Variants in PCDHA10 observed in about 807,000 individuals in gnomAD.
The protein encoded by PCDHA10 is protocadherin alpha-10.
PCDHA10 carries 45 observed loss-of-function variants against 61.2 expected under a neutral mutation model. The ratio of observed to expected loss-of-function variants is 0.74; its 90% CI spans 0.58 to 0.94. The LOEUF (loss-of-function observed/expected upper bound fraction) is 0.94. PCDHA10 is among the 40% of genes least tolerant of loss of function. The pLI is 0.00. For synonymous variants in PCDHA10, 602 were observed against 548.8 expected, an observed-to-expected ratio of 1.10 and a Z score of -1.35; for missense variants, 1,278 against 1,236.2, an observed-to-expected ratio of 1.03 and a Z score of -0.51.
intron 3 of PCDHA10, among the ~76,000 whole-genome samples, chr5:141,008,870 C>G (rs539100133): frequency 1.4e-4 from 22 of 152,126 alleles, no homozygotes; most frequent in Non-Finnish European, 7.3e-5. Flanking sequence ...ATGCTGCATC[C>G]CACCACCCTT....
chr5:140,973,782 C>T lies in PCDHA10; in HGVS notation c.2389-5167C>T, dbSNP rs533593200. ...CACAGCCTGGCATATTATAGGTTGCCTATTGGCATGCTGTCTACTTGACAG... is the reference window on the plus strand; with the variant it reads ...CACAGCCTGGCATATTATAGGTTGCTTATTGGCATGCTGTCTACTTGACAG... On this transcript the variant is annotated intron_variant, in intron 1 of 3. Transcript: ENST00000307360. 1.5e-3 allele frequency among the ~76,000 whole-genome samples: 225 copies of T among 152,326 alleles called. 1 individual carries two copies. Among genetic ancestry groups the T allele is most frequent in the African/African-American group, 5.2e-3 (216 of 41,582 alleles).
intron 1 of PCDHA10, among the ~76,000 whole-genome samples, chr5:140,901,300 C>T (rs189786790): frequency 3.3e-5 from 5 of 152,176 alleles, no homozygotes; most frequent in African/African-American, 9.6e-5. Flanking sequence ...ACTGATGTTC[C>T]GGAGAGTTTC....
chr5:140,983,329 A>G (rs1359569826), intron 3 of PCDHA10, among the ~76,000 whole-genome samples: 8 of 152,228 alleles, frequency 5.3e-5, no homozygotes, highest in Admixed American at 6.5e-5. Flanking sequence ...TTCTTGCCCT[A>G]TCACTAAAGC....
At chr5:141,006,445 C>T (rs1202981865) in intron 3 of PCDHA10, among the ~76,000 whole-genome samples, 2 of 152,062 alleles carry the variant, frequency 1.3e-5, no homozygotes, top group Non-Finnish European at 2.9e-5. Context: ...AATCTCCTGA[C>T]CTCGAGATCT....
intron 1 of PCDHA10, among the ~76,000 whole-genome samples, chr5:140,895,297 T>TC (rs1269688627): frequency 1.3e-5 from 2 of 152,118 alleles, no homozygotes; most frequent in African/African-American, 2.4e-5. Context: ...ACCTTCGATT[T>TC]CCCCCCTTCC....
chr5:140,909,837 A>G (rs1385622846), intron 1 of PCDHA10, among the ~76,000 whole-genome samples: 3 of 152,190 alleles, frequency 2.0e-5, no homozygotes, highest in Non-Finnish European at 4.4e-5. Context: ...CTGGAGGACC[A>G]CCAGGACGTT....
intron 1 of PCDHA10, among the ~76,000 whole-genome samples, chr5:140,946,752 A>G (rs1470208958): frequency 9.2e-5 from 14 of 151,470 alleles, no homozygotes; most frequent in African/African-American, 3.4e-4. Context: ...CAAATACTGC[A>G]TGATCTCATT....
Position 141,009,783 on chromosome 5 carries a change from G to C in PCDHA10, c.2693G>C (p.Arg898Pro). The part of the protein sequence containing the change: ...IPGSPAIISI[R>P]QEPTNSQIDK... The stretch of plus-strand genomic sequence containing the variant: ...GGATCTCCTGCAATCATCTCCATCC[G>C]GCAGGAGCCTACTAACAGCCAAATT... Residue 898 changes from arginine (R) to proline (P), a missense_variant, in exon 4 of 4, where the codon CGG (arginine) becomes CCG (proline). Arg to Pro is a moderately radical substitution (Grantham distance 103). Coordinates refer to ENST00000307360, the MANE Select transcript of PCDHA10 (RefSeq NM_018901.4). 2 of 1,614,000 alleles carry C rather than the reference G, an allele frequency of 1.2e-6. No homozygotes were observed. The highest frequency in any genetic ancestry group is 1.7e-6 in the Non-Finnish European group (2 of 1,180,008).
rs571694728 is a variant in PCDHA10, at chr5:140,949,343, CTG to C, written c.2389-29602_2389-29601del. Among the ~76,000 whole-genome samples the C allele has an allele frequency of 8.0e-4, 121 of 151,818 alleles. 1 individual carries two copies. Among genetic ancestry groups the C allele is most frequent in the Admixed American group, 3.5e-3 (54 of 15,258 alleles). On this transcript the variant is annotated intron_variant, in intron 1 of 3. Transcript: ENST00000307360. ...TATAAATTATTGTTATCCAGATTTT[CTG>C]TGTCTTTATTTTTTTGTCTAGTTGT...
At chr5:140,993,358 A>G (rs1197499617) in intron 3 of PCDHA10, among the ~76,000 whole-genome samples, 7 of 151,988 alleles carry the variant, frequency 4.6e-5, no homozygotes, top group Admixed American at 4.6e-4. Context: ...AGATCCTCAC[A>G]AAAACTACCT....
intron 1 of PCDHA10, chr5:140,929,377 CTGT>C (rs782747382): frequency 6.6e-7 from 1 of 1,514,350 alleles, no homozygotes; most frequent in Non-Finnish European, 8.8e-7. Flanking sequence ...TGGCTGCTAG[CTGT>C]GTTTTGAAAT....
At chr5:140,861,758 T>C (rs1469300232) in intron 1 of PCDHA10, 1 of 93,472 alleles carries the variant, frequency 1.1e-5, no homozygotes, top group African/African-American at 4.7e-5. Context: ...TGATTATTTT[T>C]CCCTGGAAAT....
At chr5:140,986,461 C>A (rs1554248079) in intron 3 of PCDHA10, among the ~76,000 whole-genome samples, 1 of 152,154 alleles carries the variant, frequency 6.6e-6, no homozygotes. Flanking sequence ...TTAATGAATG[C>A]CCTCTTGTGA....
At chr5:140,920,405 A>T (rs1253203896) in intron 1 of PCDHA10, among the ~76,000 whole-genome samples, 1 of 152,118 alleles carries the variant, frequency 6.6e-6, no homozygotes, top group Non-Finnish European at 1.5e-5. Context: ...TCTTTTTTTA[A>T]TCAGATACAG....
intron 1 of PCDHA10, among the ~76,000 whole-genome samples, chr5:140,911,116 C>G (rs1184319768): frequency 6.6e-6 from 1 of 152,142 alleles, no homozygotes; most frequent in Non-Finnish European, 1.5e-5. Flanking sequence ...GAAGCCATCA[C>G]TGTTGCCTCA....
intron 1 of PCDHA10, among the ~76,000 whole-genome samples, chr5:140,943,702 G>C (rs2153663732): frequency 6.6e-6 from 1 of 152,280 alleles, no homozygotes; most frequent in South Asian, 2.1e-4. Context: ...AAATATTGTG[G>C]AACACATTTA....
At chr5:140,994,562 G>A (rs1554254244) in intron 3 of PCDHA10, among the ~76,000 whole-genome samples, 2 of 152,094 alleles carry the variant, frequency 1.3e-5, no homozygotes, top group Non-Finnish European at 2.9e-5. Context: ...AAAATTAGCC[G>A]GGTGTGGTGG....
intron 3 of PCDHA10, among the ~76,000 whole-genome samples, chr5:141,009,295 A>AT (rs1258767808): frequency 6.6e-6 from 1 of 152,030 alleles, no homozygotes; most frequent in African/African-American, 2.4e-5. Flanking sequence ...TTTCTATAAA[A>AT]TTTTTTTTAA....
At chr5:140,891,034 G>A (rs1377509789) in intron 1 of PCDHA10, among the ~76,000 whole-genome samples, 1 of 151,488 alleles carries the variant, frequency 6.6e-6, no homozygotes, top group Non-Finnish European at 1.5e-5. Context: ...ATAATCTTAG[G>A]TGTGACCCCC....
Sources: gnomAD v4.1 joint callset for allele counts (sites outside exome capture counted in the v4.1 genomes callset) on GRCh38, gnomAD v4.1.1 for gene constraint, MANE v1.5 for transcripts, NCBI Gene and HGNC (gene_info 2026-07-23, HGNC 2026-07-21) for gene names.